PCDHGB7: variants seen among roughly 807,000 people sequenced by gnomAD.
PCDHGB7 encodes the protein protocadherin gamma subfamily B, 7.
A neutral mutation model predicts 61.4 loss-of-function variants in PCDHGB7; 37 were observed. That is an observed-to-expected ratio of 0.60 (90% CI 0.46 to 0.79). PCDHGB7 has a LOEUF of 0.79. PCDHGB7 is among the 30% of genes least tolerant of loss of function. The probability of loss-of-function intolerance (pLI) is 0.00; values close to 1 mark genes in which losing one functional copy is unlikely to be tolerated. For synonymous variants in PCDHGB7, 464 were observed against 503.5 expected, an observed-to-expected ratio of 0.92 and a Z score of 1.05; for missense variants, 1,166 against 1,202.5, an observed-to-expected ratio of 0.97 and a Z score of 0.45.
chr5:141,422,750 T>C (rs778578440), intron 1 of PCDHGB7: 4 of 1,611,900 alleles, frequency 2.5e-6, no homozygotes, highest in Non-Finnish European at 3.4e-6. Flanking sequence ...TATGTCTCTA[T>C]TAACTCCAAC....
At chr5:141,434,521 T>G (rs2097700467) in intron 1 of PCDHGB7, among the ~76,000 whole-genome samples, 1 of 152,202 alleles carries the variant, frequency 6.6e-6, no homozygotes, top group Non-Finnish European at 1.5e-5. Flanking sequence ...AAAGGTGTTC[T>G]TAAACCACAA....
At chr5:141,480,745 C>T (rs528415324) in intron 1 of PCDHGB7, among the ~76,000 whole-genome samples, 1 of 152,278 alleles carries the variant, frequency 6.6e-6, no homozygotes, top group Non-Finnish European at 1.5e-5. Flanking sequence ...ACATAGGCAT[C>T]ATTTTTTGAA....
intron 1 of PCDHGB7, among the ~76,000 whole-genome samples, chr5:141,472,863 G>A (rs2099301197): frequency 6.7e-6 from 1 of 149,994 alleles, no homozygotes. Context: ...GCACATGCCT[G>A]TATTCCCAGC....
intron 1 of PCDHGB7, chr5:141,478,197 T>G (rs2099437910): frequency 6.2e-7 from 1 of 1,613,956 alleles, no homozygotes; most frequent in Admixed American, 1.7e-5. Context: ...ACCTTTTATC[T>G]ACTTCTTTCT....
intron 1 of PCDHGB7, among the ~76,000 whole-genome samples, chr5:141,435,921 C>T (rs767290430): frequency 1.3e-5 from 2 of 152,186 alleles, no homozygotes; most frequent in Admixed American, 6.5e-5. Context: ...CTCTAAAATG[C>T]GGCAGTTGCT....
Position 141,511,103 on chromosome 5 carries a change from A to G in PCDHGB7, c.2720A>G (p.Lys907Arg), listed in dbSNP as rs779731716. The G allele has an allele frequency of 6.2e-7, 1 of 1,614,214 alleles. No individual in the cohort carries two copies. The highest frequency in any genetic ancestry group is 8.5e-7 in the Non-Finnish European group (1 of 1,180,026). The change falls in exon 4 of 4, where the codon AAG becomes AGG. Residue 907 changes from lysine to arginine, a missense_variant. By Grantham distance (26) the Lys-to-Arg change is conservative. Coordinates refer to ENST00000398594, the MANE Select transcript of PCDHGB7 (RefSeq NM_018927.4). ...SNATLTNAAGKRDGKAPAGGN... is the reference protein window; with the variant it reads ...SNATLTNAAGRRDGKAPAGGN... ...GCCACACTGACCAACGCAGCTGGCA[A>G]GCGGGATGGCAAGGCCCCAGCAGGT...
In PCDHGB7 at chr5:141,431,468, G is replaced by C. The variant is rs756718016; in HGVS notation, c.2415+11194G>C. 4 of 1,613,804 alleles carry C rather than the reference G, an allele frequency of 2.5e-6. No homozygotes were observed. Among genetic ancestry groups the C allele is most frequent in the Non-Finnish European group, 3.4e-6 (4 of 1,179,964 alleles). On this transcript the variant is annotated intron_variant, in intron 1 of 3. Coordinates refer to ENST00000398594, the MANE Select transcript of PCDHGB7 (RefSeq NM_018927.4). The surrounding 1 kb of genome is among the most constrained non-coding windows in gnomAD (Gnocchi z 4.8). Reference sequence around the variant, plus strand: ...CCGCGTGATGGTTCTGGATGCGAACGACAACGCACCAGCGTTTGCTCAGCC... The same window carrying C: ...CCGCGTGATGGTTCTGGATGCGAACCACAACGCACCAGCGTTTGCTCAGCC...
intron 1 of PCDHGB7, chr5:141,423,755 G>GGT (rs1554116817): frequency 5.9e-6 from 3 of 512,508 alleles, no homozygotes; most frequent in Non-Finnish European, 7.8e-6. Context: ...CTGTTTGGGG[G>GGT]GGGGGTGGGG....
Position 141,431,877 on chromosome 5 carries a change from A to G in PCDHGB7, c.2415+11603A>G. On this transcript the variant is annotated intron_variant, in intron 1 of 3. Coordinates refer to ENST00000398594, the MANE Select transcript of PCDHGB7 (RefSeq NM_018927.4). The surrounding 1 kb of genome is among the most constrained non-coding windows in gnomAD (Gnocchi z 4.8). ...TTAATTGCCCTTTTAAATGTAAATG[A>G]CCAAGATTCTGAGGAAAACGGACAG... is the stretch of plus-strand genomic sequence containing the variant. 8 of 1,614,230 alleles carry G rather than the reference A, an allele frequency of 5.0e-6. No individual in the cohort carries two copies. Among genetic ancestry groups the G allele is most frequent in the Non-Finnish European group, 6.8e-6 (8 of 1,180,016 alleles).
intron 1 of PCDHGB7, among the ~76,000 whole-genome samples, chr5:141,465,137 GGGGA>G (rs2099097662): frequency 2.0e-5 from 3 of 151,520 alleles, no homozygotes; most frequent in Non-Finnish European, 4.4e-5. Context: ...AAAAAGTTTA[GGGGA>G]TATATGAAGG....
At chr5:141,433,395 C>CTATA (rs1426636882) in intron 1 of PCDHGB7, among the ~76,000 whole-genome samples, 2 of 150,654 alleles carry the variant, frequency 1.3e-5, no homozygotes, top group African/African-American at 4.9e-5. Context: ...ATCTATCTAT[C>CTATA]TATCTATCTA....
In PCDHGB7 at chr5:141,486,444, T is replaced by C. The variant is rs769032995; in HGVS notation, c.2416-8363T>C. 2 of 1,614,086 alleles carry C rather than the reference T, an allele frequency of 1.2e-6. No individual in the cohort carries two copies. On this transcript the variant is annotated intron_variant, in intron 1 of 3. Transcript: ENST00000398594. This position sits in a 1 kb window ranked among gnomAD's most constrained non-coding sequence, Gnocchi z 5.0. ...GAGGCCAAATCTAGCTATGACATCA[T>C]GGTCACTGCTTCTGATGCTGGGAAC...
Position 141,491,627 on chromosome 5 carries a change from A to C in PCDHGB7, c.2416-3180A>C. On this transcript the variant is annotated intron_variant, in intron 1 of 3. Transcript: ENST00000398594. The surrounding 1 kb of genome is among the most constrained non-coding windows in gnomAD (Gnocchi z 6.9). ...ACTTTTCTAAGACCCCTCAGCGTTC[A>C]GCAGCCCACAGCTCTGGCGCTGGAG... 6.2e-7 allele frequency: 1 copy of C among 1,613,924 alleles called. No homozygotes were observed. The highest frequency in any genetic ancestry group is 8.5e-7 in the Non-Finnish European group (1 of 1,180,026).
chr5:141,426,646 T>C (rs764903298), intron 1 of PCDHGB7: 1 of 416,448 alleles, frequency 2.4e-6, no homozygotes, highest in South Asian at 1.7e-5. Flanking sequence ...ATAAATGTGA[T>C]GATAGAAGAT....
Position 141,434,824 on chromosome 5 carries a change from A to C in PCDHGB7, c.2415+14550A>C, listed in dbSNP as rs143305842. ...CTTGGAGAAATATATCCCTTAGTACACTTGGCATTTATAAAGCAGACATCA... is the reference window on the plus strand; with the variant it reads ...CTTGGAGAAATATATCCCTTAGTACCCTTGGCATTTATAAAGCAGACATCA... On this transcript the variant is annotated intron_variant, in intron 1 of 3. Coordinates refer to ENST00000398594, the MANE Select transcript of PCDHGB7 (RefSeq NM_018927.4). 7.9e-4 allele frequency among the ~76,000 whole-genome samples: 120 copies of C among 152,004 alleles called. 2 individuals are homozygous for C. The highest frequency in any genetic ancestry group is 2.8e-3 in the African/African-American group (115 of 41,454).
intron 1 of PCDHGB7, among the ~76,000 whole-genome samples, chr5:141,438,349 C>G (rs892834423): frequency 6.6e-6 from 1 of 151,762 alleles, no homozygotes; most frequent in Non-Finnish European, 1.5e-5. Flanking sequence ...AGGATCTACT[C>G]TGTGTATTGT....
chr5:141,429,592 T>C (rs2097226711), intron 1 of PCDHGB7, among the ~76,000 whole-genome samples: 1 of 152,234 alleles, frequency 6.6e-6, no homozygotes, highest in Non-Finnish European at 1.5e-5. Flanking sequence ...ATTCTTGTAA[T>C]TCAAGTAAAC....
chr5:141,426,978 G>A (rs1383521288), intron 1 of PCDHGB7: 1 of 456,770 alleles, frequency 2.2e-6, no homozygotes, highest in Non-Finnish European at 4.4e-6. Flanking sequence ...TGAGGTCACT[G>A]ATGCCAACGA....
In PCDHGB7 at chr5:141,476,264, G is replaced by A. The variant is rs753184649; in HGVS notation, c.2416-18543G>A. The A allele has an allele frequency of 2.5e-6, 4 of 1,614,082 alleles. No individual in the cohort carries two copies. The highest frequency in any genetic ancestry group is 3.4e-6 in the Non-Finnish European group (4 of 1,180,010). Reference sequence around the variant, plus strand: ...AGAGAAGGGTTTCGCTGTGGGCAACGTGGTCGCGAACCTTGGTTTGGATCT... The same window carrying A: ...AGAGAAGGGTTTCGCTGTGGGCAACATGGTCGCGAACCTTGGTTTGGATCT... On this transcript the variant is annotated intron_variant, in intron 1 of 3. Coordinates refer to ENST00000398594, the MANE Select transcript of PCDHGB7 (RefSeq NM_018927.4). The surrounding 1 kb of genome is among the most constrained non-coding windows in gnomAD (Gnocchi z 7.6).
Sources: allele counts gnomAD v4.1 joint callset (sites outside exome capture counted in the v4.1 genomes callset), GRCh38; gene constraint gnomAD v4.1.1; non-coding constraint Gnocchi (gnomAD v3.1); transcripts MANE v1.5; gene names NCBI Gene and HGNC (gene_info 2026-07-23, HGNC 2026-07-21).